SUMF1: variants seen among roughly 807,000 people sequenced by gnomAD.
SUMF1 encodes sulfatase modifying factor 1, also known as formylglycine-generating enzyme.
A neutral mutation model predicts 47.6 loss-of-function variants in SUMF1; 48 were observed. That is an observed-to-expected ratio of 1.01 (90% CI 0.80 to 1.28). The LOEUF (loss-of-function observed/expected upper bound fraction) is 1.28, where lower values mean the gene tolerates loss of function less well. Among genes scored for constraint, SUMF1 ranks in the 50% most tolerant of loss-of-function variants. The probability of loss-of-function intolerance (pLI) is 0.00; values close to 1 mark genes in which losing one functional copy is unlikely to be tolerated. For missense variants in SUMF1, 571 were observed against 485.4 expected, an observed-to-expected ratio of 1.18 and a Z score of -1.66; for synonymous variants, 230 against 192.1, an observed-to-expected ratio of 1.20 and a Z score of -1.63.
At chr3:4,462,510 T>C (rs2079839686) in intron 1 of SUMF1, among the ~76,000 whole-genome samples, 1 of 152,208 alleles carries the variant, frequency 6.6e-6, no homozygotes, top group Non-Finnish European at 1.5e-5. Flanking sequence ...TAAATGTCCC[T>C]TCCAGTTTTT....
chr3:4,330,690 CTG>C (rs1321693002), intron 8 of SUMF1, among the ~76,000 whole-genome samples: 2 of 152,216 alleles, frequency 1.3e-5, no homozygotes, highest in African/African-American at 4.8e-5. Flanking sequence ...TGTCACTCAA[CTG>C]TCTTTTTTTC....
In SUMF1 at chr3:4,256,443, G is replaced by A. The variant is rs1273366740; in HGVS notation, c.1014+119887C>T. On this transcript the variant is annotated intron_variant and NMD_transcript_variant, in intron 8 of 12. Transcript: ENST00000448413. ...AAATGATAAAGGGGATATCACTACC[G>A]ATCCCACAGAAATACAAACTACCAT... Among the ~76,000 whole-genome samples, 14 of 143,914 alleles carry A rather than the reference G, an allele frequency of 9.7e-5. No homozygotes were observed. The East Asian group carries it at 1.6e-3, about 16-fold the overall frequency. The allele number at this position is 143,914 out of a possible 152,430, so 94.4% of individuals were successfully genotyped here. A position where few individuals can be genotyped will look rare whatever the true frequency, so the allele number is the denominator to read the frequency against.
At chr3:4,436,485 T>C (rs1032409051) in intron 3 of SUMF1, among the ~76,000 whole-genome samples, 1 of 151,844 alleles carries the variant, frequency 6.6e-6, no homozygotes, top group Non-Finnish European at 1.5e-5. Context: ...CATTGGAAGA[T>C]GGAGTGAGGA....
At chr3:4,449,801 G>T (rs1204281105) in intron 2 of SUMF1, among the ~76,000 whole-genome samples, 3 of 152,086 alleles carry the variant, frequency 2.0e-5, no homozygotes, top group African/African-American at 7.2e-5. Flanking sequence ...AATCTCAACT[G>T]GCCAATTCAA....
chr3:4,128,797 G>A (rs1693718198), intron 8 of SUMF1, among the ~76,000 whole-genome samples: 1 of 152,142 alleles, frequency 6.6e-6, no homozygotes, highest in African/African-American at 2.4e-5. Flanking sequence ...GATAATGGTG[G>A]AAGGAACATA....
chr3:4,203,523 G>A (rs915001833), intron 8 of SUMF1, among the ~76,000 whole-genome samples: 2 of 151,802 alleles, frequency 1.3e-5, no homozygotes, highest in Non-Finnish European at 2.9e-5. Flanking sequence ...TATTGGTCCT[G>A]TTTTTTACAT....
At chr3:4,204,387 C>G (rs958611881) in intron 8 of SUMF1, among the ~76,000 whole-genome samples, 4 of 152,040 alleles carry the variant, frequency 2.6e-5, no homozygotes, top group Non-Finnish European at 5.9e-5. Context: ...TTTGTTTTCT[C>G]TTGCTGCTTT....
rs902789283 is a variant in SUMF1, at chr3:4,303,792, C to A, written c.1014+72538G>T. 1.1e-5 allele frequency: 15 copies of A among 1,419,246 alleles called. No homozygotes were observed. In the African/African-American group the frequency reaches 2.2e-4, roughly 20 times the overall value. 87.9% of individuals were successfully genotyped at this position (1,419,246 alleles called of 1,614,324 possible). A position where few individuals can be genotyped will look rare whatever the true frequency, so the allele number is the denominator to read the frequency against. ...GCCTTGTGAGAACCTGGCTTTTTGT[C>A]CAGTCCTGTCCTCAGAACTCAAGGA... On this transcript the variant is annotated intron_variant and NMD_transcript_variant, in intron 8 of 12. Coordinates refer to the SUMF1 transcript ENST00000448413.
chr3:4,202,104 T>C (rs1034652052), intron 8 of SUMF1, among the ~76,000 whole-genome samples: 1 of 152,086 alleles, frequency 6.6e-6, no homozygotes, highest in African/African-American at 2.4e-5. Flanking sequence ...GCTTTTTAAC[T>C]TTATGAGATC....
At chr3:4,327,513 C>T (rs543831900) in intron 8 of SUMF1, among the ~76,000 whole-genome samples, 1 of 151,974 alleles carries the variant, frequency 6.6e-6, no homozygotes, top group Non-Finnish European at 1.5e-5. Flanking sequence ...TGGTTAAAAA[C>T]ACAATTGTCA....
At chr3:4,103,310 A>G (rs963485512) in intron 8 of SUMF1, among the ~76,000 whole-genome samples, 10 of 152,086 alleles carry the variant, frequency 6.6e-5, no homozygotes, top group Non-Finnish European at 1.3e-4. Context: ...AGATAGAAAT[A>G]TATTTTTTTA....
intron 8 of SUMF1, among the ~76,000 whole-genome samples, chr3:4,078,742 TA>T (rs111689411): frequency 0.24 from 35,208 of 146,714 alleles, 4,807 homozygotes; most frequent in Admixed American, 0.31. Flanking sequence ...CCCCCATCTC[TA>T]AAAAAAAAAA....
chr3:4,303,502 G>T (rs201457479), intron 8 of SUMF1: 52 of 1,454,060 alleles, frequency 3.6e-5, no homozygotes, highest in Non-Finnish European at 4.2e-5. Flanking sequence ...CGTGGCCCCC[G>T]GGGGCCGCGC....
chr3:4,195,839 T>C (rs2587931), intron 8 of SUMF1, among the ~76,000 whole-genome samples: 47,283 of 151,888 alleles, frequency 0.31, 7,528 homozygotes, highest in East Asian at 0.4. Context: ...AAGAATCCTA[T>C]AGCTTTCATC....
chr3:4,048,093 A>C (rs941723987), intron 9 of SUMF1, among the ~76,000 whole-genome samples: 2 of 152,146 alleles, frequency 1.3e-5, no homozygotes, highest in Non-Finnish European at 2.9e-5. Flanking sequence ...GCTACTAAGT[A>C]ATATTCCATT....
intron 8 of SUMF1, among the ~76,000 whole-genome samples, chr3:4,149,177 A>T (rs540075225): frequency 5.4e-4 from 82 of 152,214 alleles, no homozygotes; most frequent in Non-Finnish European, 9.7e-4. Context: ...GTGTTTAAAG[A>T]TGCTGTATTA....
In SUMF1 at chr3:4,376,707, T is replaced by C. The variant is rs556736323; in HGVS notation, c.955-318A>G. On this transcript the variant is annotated intron_variant, in intron 7 of 8. Transcript: ENST00000272902. ...CTAATAAGCTGCTTGGCTGCACCTC[T>C]TACCATGTCATGATGCAAATTTATC... is the stretch of plus-strand genomic sequence containing the variant. Among the ~76,000 whole-genome samples, 3 of 152,356 alleles carry C rather than the reference T, an allele frequency of 2.0e-5. No individual in the cohort carries two copies. The East Asian group carries it at 5.8e-4, about 29-fold the overall frequency.
intron 8 of SUMF1, among the ~76,000 whole-genome samples, chr3:4,329,913 G>C (rs2125127105): frequency 6.6e-6 from 1 of 152,096 alleles, no homozygotes; most frequent in Non-Finnish European, 1.5e-5. Flanking sequence ...GTCACCTCTT[G>C]AACACTTTGT....
rs562127912 is a variant in SUMF1 at position 4,241,943 on chromosome 3, T to A, written c.1014+134387A>T. Among the ~76,000 whole-genome samples, 85 of 152,278 alleles carry A rather than the reference T, an allele frequency of 5.6e-4. 1 individual carries two copies. The highest frequency in any genetic ancestry group is 2.0e-3 in the African/African-American group (82 of 41,568). The stretch of plus-strand genomic sequence containing the variant: ...AGGGAAGTTGACTACGTCACCCTAA[T>A]CTTCTTACTATGCAAATGGGCTTTC... On this transcript the variant is annotated intron_variant and NMD_transcript_variant, in intron 8 of 12. Coordinates refer to the SUMF1 transcript ENST00000448413.
Sources: allele counts gnomAD v4.1 joint callset (sites outside exome capture counted in the v4.1 genomes callset), GRCh38; gene constraint gnomAD v4.1.1; transcripts MANE v1.5; gene names NCBI Gene and HGNC (gene_info 2026-07-23, HGNC 2026-07-21).